The following FAM83F variants were observed in gnomAD, a reference collection of about 807,000 sequenced individuals.
FAM83F encodes the protein scaffolding CK1 anchoring protein F, also known as protein FAM83F.
In FAM83F, 45 loss-of-function variants were observed where a neutral mutation model predicts 42.9. The observed-to-expected ratio is 1.05, with a 90% confidence interval of 0.83 to 1.35. The LOEUF (loss-of-function observed/expected upper bound fraction) is 1.35, where lower values mean the gene tolerates loss of function less well. Among genes scored for constraint, FAM83F ranks in the 40% most tolerant of loss-of-function variants. The pLI is 0.00. For missense variants in FAM83F, 617 were observed against 695.9 expected (o/e 0.89, Z 1.28); for synonymous variants, 306 against 298.3 (o/e 1.03, Z -0.27).
chr22:40,019,764 T>C (rs2067509523), intron 2 of FAM83F, 123 bp from the exon 3 acceptor site: 2 of 1,333,760 alleles, frequency 1.5e-6, no homozygotes, highest in Non-Finnish European at 2.0e-6. Context: ...GCAGAGCGTC[T>C]AGTGAAGACA....
At chr22:40,014,134 T>TTC (rs982700254) in intron 1 of FAM83F, among the ~76,000 whole-genome samples, 15 of 146,558 alleles carry the variant, frequency 1.0e-4, no homozygotes, top group Non-Finnish European at 1.5e-5. Context: ...TTCTTTTCTT[T>TTC]TTTTTTTTTT....
chr22:40,035,399 A>G lies in FAM83F; in HGVS notation c.*5834A>G, dbSNP rs1214164154. On this transcript the variant is annotated 3_prime_UTR_variant, in exon 5 of 5. Transcript: ENST00000333407. ...GGTGTGCAGAAAACCATGCGTCATG[A>G]TTCTTATTTCCTGCTCGCAGCTTTG... The G allele has an allele frequency of 6.6e-6, 1 of 152,198 alleles. No homozygotes were observed. Among genetic ancestry groups the G allele is most frequent in the African/African-American group, 2.4e-5 (1 of 41,436 alleles). 9.4% of individuals were successfully genotyped at this position (152,198 alleles called of 1,614,324 possible). A position where few individuals can be genotyped will look rare whatever the true frequency, so the allele number is the denominator to read the frequency against.
At chr22:40,006,016 G>A (rs1324971716) in intron 1 of FAM83F, among the ~76,000 whole-genome samples, 1 of 152,216 alleles carries the variant, frequency 6.6e-6, no homozygotes, top group Non-Finnish European at 1.5e-5. Flanking sequence ...GAGGCGGGCA[G>A]ATCATTTGAG....
Position 40,029,721 on chromosome 22 carries a change from C to T in FAM83F, c.*156C>T. 9.1e-7 allele frequency: 1 copy of T among 1,095,328 alleles called. No individual in the cohort carries two copies. The highest frequency in any genetic ancestry group is 1.3e-6 in the Non-Finnish European group (1 of 783,254). The allele number at this position is 1,095,328 out of a possible 1,614,324, so 67.9% of individuals were successfully genotyped here. Reference sequence around the variant, plus strand: ...TCCTGGCCTCAGGGACGCTGGATCCCAAATGAGAGGGTCCGAAGCATCTCA... The same window carrying T: ...TCCTGGCCTCAGGGACGCTGGATCCTAAATGAGAGGGTCCGAAGCATCTCA... On this transcript the variant is annotated 3_prime_UTR_variant, in exon 5 of 5. Coordinates refer to ENST00000333407, the MANE Select transcript of FAM83F (RefSeq NM_138435.4).
At position 40,032,573 on chromosome 22, in the gene FAM83F, CTTTTTTT is replaced by C. The variant is rs1422692180; in HGVS notation, c.*3012_*3018del. On this transcript the variant is annotated 3_prime_UTR_variant, in exon 5 of 5. Transcript: ENST00000333407. ...AGTGGGCTATTTCTTTTTTTTTTTT[CTTTTTTT>C]TTTCTGAGACAGAGTCTCACCCTGT... 3 of 140,950 alleles carry C rather than the reference CTTTTTTT, an allele frequency of 2.1e-5. No individual in the cohort carries two copies. The allele number at this position is 140,950 out of a possible 1,614,324, so 8.7% of individuals were successfully genotyped here.
Position 40,009,730 on chromosome 22 carries a change from C to T in FAM83F, c.490-9438C>T, listed in dbSNP as rs192169256. 4.3e-3 allele frequency: 654 copies of T among 152,590 alleles called. 4 individuals are homozygous for T. The highest frequency in any genetic ancestry group is 7.0e-3 in the Non-Finnish European group (480 of 68,286). 9.5% of individuals were successfully genotyped at this position (152,590 alleles called of 1,614,324 possible). The stretch of plus-strand genomic sequence containing the variant: ...CTGAGGGACACGTCCAAGCTGCAGT[C>T]GGCTCTGTGGTTGTGGACACCTGGC... On this transcript the variant is annotated intron_variant, in intron 1 of 4. Coordinates refer to ENST00000333407, the MANE Select transcript of FAM83F (RefSeq NM_138435.4).
chr22:40,036,922 C>T lies in FAM83F; in HGVS notation c.*7357C>T, dbSNP rs1601777181. 6.6e-6 allele frequency: 1 copy of T among 152,378 alleles called. No individual in the cohort carries two copies. The highest frequency in any genetic ancestry group is 1.9e-4 in the East Asian group (1 of 5,192). The allele number at this position is 152,378 out of a possible 1,614,324, so 9.4% of individuals were successfully genotyped here. On this transcript the variant is annotated 3_prime_UTR_variant, in exon 5 of 5. Transcript: ENST00000333407. ...CTTCTGTGGCGGGCCAAAAAGTGAA[C>T]ATTCAGTGTGTCTGTTGCAGCTACT...
chr22:40,003,353 C>G (rs1488536489), intron 1 of FAM83F, among the ~76,000 whole-genome samples: 2 of 152,026 alleles, frequency 1.3e-5, no homozygotes, highest in African/African-American at 4.8e-5. Context: ...AACTGTCAGT[C>G]CCCCCATCTT....
At chr22:40,020,432 G>T (rs951659070) in intron 3 of FAM83F, among the ~76,000 whole-genome samples, 1 of 145,514 alleles carries the variant, frequency 6.9e-6, no homozygotes, top group African/African-American at 2.6e-5. Context: ...GCATGATCTC[G>T]GCTCACTGCA....
Position 40,032,651 on chromosome 22 carries a change from C to T in FAM83F, c.*3086C>T, listed in dbSNP as rs2067596080. ...GACAGCGATCTTGGCTCACTGCAAG[C>T]TCCGCCTCCCGGGTTCACGCCATTC... On this transcript the variant is annotated 3_prime_UTR_variant, in exon 5 of 5. Coordinates refer to ENST00000333407, the MANE Select transcript of FAM83F (RefSeq NM_138435.4). 1 of 151,698 alleles carries T rather than the reference C, an allele frequency of 6.6e-6. No individual in the cohort carries two copies. Among genetic ancestry groups the T allele is most frequent in the South Asian group, 2.1e-4 (1 of 4,804 alleles). 9.4% of individuals were successfully genotyped at this position (151,698 alleles called of 1,614,324 possible). A position where few individuals can be genotyped will look rare whatever the true frequency, so the allele number is the denominator to read the frequency against.
In FAM83F at chr22:40,021,883, G is replaced by C. The variant is rs2067525102; in HGVS notation, c.1373G>C (p.Ser458Thr). 1 of 1,606,662 alleles carries C rather than the reference G, an allele frequency of 6.2e-7. No homozygotes were observed. The highest frequency in any genetic ancestry group is 8.5e-7 in the Non-Finnish European group (1 of 1,176,608). ...KRPAAPNGMA[S>T]SVSTETSEVE... ...CCTGCGGCGCCCAATGGCATGGCCA[G>C]CTCTGTCTCCACCGAGACCTCTGAA... Residue 458 changes from serine to threonine, a missense_variant, in exon 4 of 5, where the codon AGC becomes ACC. Physicochemically the swap from Ser to Thr is moderately conservative, Grantham distance 58. Coordinates refer to ENST00000333407, the MANE Select transcript of FAM83F (RefSeq NM_138435.4). This position sits in a 1 kb window ranked among gnomAD's most constrained non-coding sequence, Gnocchi z 8.7.
intron 1 of FAM83F, among the ~76,000 whole-genome samples, chr22:40,009,451 G>T (rs943677351): frequency 6.6e-6 from 1 of 152,242 alleles, no homozygotes; most frequent in African/African-American, 2.4e-5. Flanking sequence ...ATCCTGCTGT[G>T]CAGGATGAAT....
chr22:40,003,731 A>C (rs1276665563), intron 1 of FAM83F, among the ~76,000 whole-genome samples: 1 of 152,118 alleles, frequency 6.6e-6, no homozygotes, highest in Non-Finnish European at 1.5e-5. Flanking sequence ...CCATAATCTT[A>C]GCCCTGGAAG....
Position 40,019,269 on chromosome 22 carries a change from C to A in FAM83F, c.591C>A (p.Asp197Glu), listed in dbSNP as rs141929176. 2 of 1,614,172 alleles carry A rather than the reference C, an allele frequency of 1.2e-6. No homozygotes were observed. Among genetic ancestry groups the A allele is most frequent in the East Asian group, 4.5e-5 (2 of 44,886 alleles). Reference protein sequence around the residue: ...KRRVPVYIILDEAGVKYFLEM... With the variant: ...KRRVPVYIILEEAGVKYFLEM... ...GGGTCCCAGTGTACATCATCCTGGA[C>A]GAGGCAGGAGTGAAGTATTTCCTGG... The change falls in exon 2 of 5, where the codon GAC (aspartate) becomes GAA (glutamate). Residue 197 changes from aspartate (D) to glutamate (E), a missense_variant. Physicochemically the swap from Asp to Glu is conservative, Grantham distance 45. Transcript: ENST00000333407.
intron 1 of FAM83F, among the ~76,000 whole-genome samples, chr22:40,007,101 G>A (rs1324435452): frequency 1.3e-5 from 2 of 151,844 alleles, no homozygotes; most frequent in Non-Finnish European, 2.9e-5. Context: ...CCCCACTGCA[G>A]TACACTTCCG....
At position 40,029,781 on chromosome 22, in the gene FAM83F, C is replaced by T. The variant is rs1272503156; in HGVS notation, c.*216C>T. 6 of 636,176 alleles carry T rather than the reference C, an allele frequency of 9.4e-6. No individual in the cohort carries two copies. Among genetic ancestry groups the T allele is most frequent in the Non-Finnish European group, 1.3e-5 (5 of 383,102 alleles). The allele number at this position is 636,176 out of a possible 1,614,324, so 39.4% of individuals were successfully genotyped here. A position where few individuals can be genotyped will look rare whatever the true frequency, so the allele number is the denominator to read the frequency against. Reference sequence around the variant, plus strand: ...CTCCACCGGACTGTCGGTGGCTGGGCAGGGGTCAGTGCCACGGCCTCCTTG... The same window carrying T: ...CTCCACCGGACTGTCGGTGGCTGGGTAGGGGTCAGTGCCACGGCCTCCTTG... On this transcript the variant is annotated 3_prime_UTR_variant, in exon 5 of 5. Transcript: ENST00000333407.
rs755071875 is a variant in FAM83F, at chr22:39,995,573, C to T, written c.489+42C>T. 1.9e-5 allele frequency: 28 copies of T among 1,503,544 alleles called. No homozygotes were observed. The highest frequency in any genetic ancestry group is 2.3e-5 in the Non-Finnish European group (26 of 1,119,474). The allele number at this position is 1,503,544 out of a possible 1,614,324, so 93.1% of individuals were successfully genotyped here. A position where few individuals can be genotyped will look rare whatever the true frequency, so the allele number is the denominator to read the frequency against. On this transcript the variant is annotated intron_variant, in intron 1 of 4. Transcript: ENST00000333407. The surrounding 1 kb of genome is among the most constrained non-coding windows in gnomAD (Gnocchi z 4.6). Reference sequence around the variant, plus strand: ...GCCCCCACACCGCTGGGACCTCGGCCCCAGTCCCCTGGACCGGGCCCCACC... The same window carrying T: ...GCCCCCACACCGCTGGGACCTCGGCTCCAGTCCCCTGGACCGGGCCCCACC...
intron 4 of FAM83F, among the ~76,000 whole-genome samples, chr22:40,025,774 G>A (rs560480184): frequency 1.3e-5 from 2 of 152,296 alleles, no homozygotes; most frequent in East Asian, 1.9e-4. Flanking sequence ...ACTGGGCAGG[G>A]CTTAGGAATC....
chr22:40,027,520 A>T (rs189886218), intron 4 of FAM83F, among the ~76,000 whole-genome samples: 9 of 152,270 alleles, frequency 5.9e-5, no homozygotes, highest in Non-Finnish European at 1.2e-4. Flanking sequence ...GGCCACGCAT[A>T]CTTTGTAAAA....
Sources: gnomAD v4.1 joint callset for allele counts (sites outside exome capture counted in the v4.1 genomes callset) on GRCh38, gnomAD v4.1.1 for gene constraint, Gnocchi (gnomAD v3.1) non-coding constraint, MANE v1.5 for transcripts, NCBI Gene and HGNC (gene_info 2026-07-23, HGNC 2026-07-21) for gene names.